The following CHMP7 variants were observed in gnomAD, a reference collection of about 807,000 sequenced individuals.
The protein encoded by CHMP7 is charged multivesicular body protein 7, also known as CHMP family, member 7.
CHMP7 carries 15 observed loss-of-function variants against 53.7 expected under a neutral mutation model. The ratio of observed to expected loss-of-function variants is 0.28; its 90% CI spans 0.19 to 0.43. CHMP7 has a LOEUF of 0.43. CHMP7 is among the 20% of genes least tolerant of loss of function. CHMP7 has a pLI of 1.00. For missense variants in CHMP7, 527 were observed against 569.4 expected (o/e 0.93, Z 0.76); for synonymous variants, 261 against 228.0 (o/e 1.14, Z -1.30).
At chr8:23,258,136 A>G in intron 6 of CHMP7, 55 bp downstream of exon 6, 1 of 1,504,818 alleles carries the variant, frequency 6.6e-7, no homozygotes, top group Admixed American at 1.7e-5. Context: ...GCCTGGAGCA[A>G]TGCCCAGCAG....
intron 4 of CHMP7, among the ~76,000 whole-genome samples, chr8:23,255,766 T>C (rs992568252): frequency 7.8e-6 from 1 of 127,710 alleles, no homozygotes; most frequent in Non-Finnish European, 1.6e-5. Flanking sequence ...GCCACCCTTA[T>C]TGTACTTTTT....
At chr8:23,244,168 A>G (rs1295655465) in intron 1 of CHMP7, among the ~76,000 whole-genome samples, 1 of 152,148 alleles carries the variant, frequency 6.6e-6, no homozygotes, top group Non-Finnish European at 1.5e-5. Flanking sequence ...CGTCTAATTT[A>G]TCAATTATTT....
intron 3 of CHMP7, chr8:23,255,042 T>G: frequency 1.7e-6 from 1 of 599,738 alleles, no homozygotes; most frequent in Non-Finnish European, 3.0e-6. Flanking sequence ...ATGTGCCTCA[T>G]TTCATGTGGA....
chr8:23,254,922 C>T, intron 3 of CHMP7: 1 of 405,904 alleles, frequency 2.5e-6, no homozygotes, highest in South Asian at 2.2e-5. Flanking sequence ...CACAGCTGTT[C>T]TACCTCACCT....
chr8:23,249,733 A>G (rs1175622928), intron 3 of CHMP7, among the ~76,000 whole-genome samples: 1 of 152,120 alleles, frequency 6.6e-6, no homozygotes, highest in African/African-American at 2.4e-5. Flanking sequence ...CAGCATTGCC[A>G]CCTCTAAACT....
intron 5 of CHMP7, 164 bp downstream of exon 5, chr8:23,256,757 A>G (rs1282791970): frequency 2.6e-6 from 1 of 386,446 alleles, no homozygotes; most frequent in African/African-American, 2.1e-5. Flanking sequence ...GAAAGCACAG[A>G]ATATCACAAA....
chr8:23,248,083 A>G (rs1323188880), intron 2 of CHMP7: 1 of 456,128 alleles, frequency 2.2e-6, no homozygotes, highest in Non-Finnish European at 4.4e-6. Context: ...AAGTGTTAAG[A>G]TTACAGGCGT....
intron 3 of CHMP7, 75 bp downstream of exon 3, chr8:23,249,456 C>G (rs1801836167): frequency 8.0e-7 from 1 of 1,242,460 alleles, no homozygotes; most frequent in African/African-American, 1.5e-5. Flanking sequence ...TGTGTGCGTT[C>G]TTGAAAAAAG....
chr8:23,248,100 A>G, intron 2 of CHMP7: 1 of 456,152 alleles, frequency 2.2e-6, no homozygotes, highest in South Asian at 1.5e-5. Context: ...GCGTTGAGCC[A>G]CTGCACCTGG....
chr8:23,259,179 T>C (rs1451207475), intron 9 of CHMP7, 53 bp downstream of exon 9: 3 of 1,030,062 alleles, frequency 2.9e-6, no homozygotes, highest in Non-Finnish European at 4.2e-6. Context: ...TTTTTTTTTT[T>C]TTTTTTTGAG....
intron 3 of CHMP7, among the ~76,000 whole-genome samples, chr8:23,249,840 G>A (rs1189382504): frequency 6.6e-6 from 1 of 151,964 alleles, no homozygotes; most frequent in Non-Finnish European, 1.5e-5. Context: ...CTTCTCCCTC[G>A]AAGAGGCCAC....
Position 23,252,195 on chromosome 8 carries a change from C to CTTTTTTTTTTTTTTTTTTT in CHMP7, c.471+2828_471+2829insTTTTTTTTTTTTTTTTTTT, listed in dbSNP as rs373288680. On this transcript the variant is annotated intron_variant, in intron 3 of 10. Coordinates refer to ENST00000397677, the MANE Select transcript of CHMP7 (RefSeq NM_152272.5). ...CCTTTCCTGTTTTGTATTGTGTTAT[C>CTTTTTTTTTTTTTTTTTTT]TTTTTTTTTTTTTTGAGATGGAGTT... Among the ~76,000 whole-genome samples, 186 of 105,228 alleles carry CTTTTTTTTTTTTTTTTTTT rather than the reference C, an allele frequency of 1.8e-3. 10 individuals carry two copies. Among genetic ancestry groups the CTTTTTTTTTTTTTTTTTTT allele is most frequent in the Non-Finnish European group, 2.5e-3 (123 of 49,048 alleles). 69.0% of individuals were successfully genotyped at this position (105,228 alleles called of 152,430 possible).
In CHMP7 at chr8:23,247,097, A is replaced by C. The variant is rs181631419; in HGVS notation, c.299+103A>C. 1,961 of 1,207,612 alleles carry C rather than the reference A, an allele frequency of 1.6e-3. 3 individuals carry two copies. The highest frequency in any genetic ancestry group is 2.9e-3 in the Middle Eastern group (10 of 3,436). The allele number at this position is 1,207,612 out of a possible 1,614,324, so 74.8% of individuals were successfully genotyped here. ...CTGCACAGCGCACTGCGCCCAGCCC[A>C]GTGTCTGGCCCAGAGAAGGCATCCA... On this transcript the variant is annotated intron_variant, in intron 2 of 10. Coordinates refer to ENST00000397677, the MANE Select transcript of CHMP7 (RefSeq NM_152272.5).
rs1802332425 is a variant in CHMP7 at position 23,260,241 on chromosome 8, T to C, written c.1218T>C (p.His406=). 1.2e-6 allele frequency: 2 copies of C among 1,614,034 alleles called. No individual in the cohort carries two copies. The highest frequency in any genetic ancestry group is 2.2e-5 in the South Asian group (2 of 91,090). ...TGCCTGACAACCCCCGCAATAGGCATTTTACCAACAGCGTGCCTAACCCTA... is the reference window on the plus strand; with the variant it reads ...TGCCTGACAACCCCCGCAATAGGCACTTTACCAACAGCGTGCCTAACCCTA... ...LDLPDNPRNR[H]FTNSVPNPRI... is the part of the protein sequence containing the mutation. Residue 406 remains histidine, a synonymous_variant, in exon 10 of 11, where the codon CAT becomes CAC. Transcript: ENST00000397677.
chr8:23,257,963 C>T, intron 5 of CHMP7, 70 bp from the exon 6 acceptor site: 1 of 1,051,380 alleles, frequency 9.5e-7, no homozygotes, highest in Non-Finnish European at 1.5e-6. Flanking sequence ...GTGCTGCTCT[C>T]AGGGACCCTT....
At chr8:23,250,097 C>A (rs1179491603) in intron 3 of CHMP7, among the ~76,000 whole-genome samples, 1 of 152,198 alleles carries the variant, frequency 6.6e-6, no homozygotes, top group Non-Finnish European at 1.5e-5. Flanking sequence ...CCTTCATGGT[C>A]CCCAGCTGTG....
At chr8:23,258,503 C>T in intron 7 of CHMP7, 54 bp downstream of exon 7, 1 of 1,604,036 alleles carries the variant, frequency 6.2e-7, no homozygotes, top group Non-Finnish European at 8.5e-7. Context: ...GTGTGTTGGT[C>T]ACTTGCAGCT....
chr8:23,249,124 C>G, intron 2 of CHMP7, 86 bp from the exon 3 acceptor site: 1 of 1,184,494 alleles, frequency 8.4e-7, no homozygotes, highest in Non-Finnish European at 1.2e-6. Flanking sequence ...GATAAAATTC[C>G]TCTTTTAGGG....
chr8:23,249,124 C>T, intron 2 of CHMP7, 86 bp from the exon 3 acceptor site: 1 of 1,184,494 alleles, frequency 8.4e-7, no homozygotes, highest in Non-Finnish European at 1.2e-6. Context: ...GATAAAATTC[C>T]TCTTTTAGGG....
Sources: allele counts gnomAD v4.1 joint callset (sites outside exome capture counted in the v4.1 genomes callset), GRCh38; gene constraint gnomAD v4.1.1; transcripts MANE v1.5; gene names NCBI Gene and HGNC (gene_info 2026-07-23, HGNC 2026-07-21).